The following SCAMP1 variants were observed in gnomAD, a reference collection of about 807,000 sequenced individuals.
SCAMP1 encodes the protein secretory carrier-associated membrane protein 1.
Under a neutral mutation model 41.8 loss-of-function variants are expected in SCAMP1, and 15 were observed. The observed-to-expected ratio is 0.36, with a 90% CI of 0.24 to 0.55. The LOEUF (loss-of-function observed/expected upper bound fraction) is 0.55. Ranked by LOEUF, SCAMP1 falls within the 20% of genes least tolerant of loss-of-function variation. The probability of loss-of-function intolerance (pLI) is 0.86; values close to 1 mark genes in which losing one functional copy is unlikely to be tolerated. For missense variants in SCAMP1, 341 were observed against 412.6 expected (o/e 0.83, Z 1.50); for synonymous variants, 135 against 136.8 (o/e 0.99, Z 0.09).
intron 6 of SCAMP1, among the ~76,000 whole-genome samples, chr5:78,439,992 G>A (rs952925315): frequency 2.0e-5 from 3 of 151,908 alleles, no homozygotes; most frequent in African/African-American, 4.8e-5. Flanking sequence ...CCACTTGATC[G>A]AATTGGCTAC....
intron 1 of SCAMP1, among the ~76,000 whole-genome samples, chr5:78,363,252 G>A (rs1282616091): frequency 6.7e-6 from 1 of 148,936 alleles, no homozygotes; most frequent in Non-Finnish European, 1.5e-5. Flanking sequence ...TCCCTCTGTC[G>A]CCCAGGTTGG....
At position 78,432,849 on chromosome 5, in the gene SCAMP1, C is replaced by G. The variant is rs565829481; in HGVS notation, c.632+10889C>G. Among the ~76,000 whole-genome samples the G allele has an allele frequency of 2.0e-5, 3 of 152,166 alleles. No individual in the cohort carries two copies. The East Asian group carries it at 5.8e-4, about 29-fold the overall frequency. The stretch of plus-strand genomic sequence containing the variant: ...TTTGTAACTTCTTTATCGTCGCTTT[C>G]TGTAATTTTTATTACATATGTGTTA... On this transcript the variant is annotated intron_variant, in intron 6 of 8. Transcript: ENST00000621999.
chr5:78,369,684 G>A (rs1375772613), intron 1 of SCAMP1, among the ~76,000 whole-genome samples: 1 of 152,184 alleles, frequency 6.6e-6, no homozygotes, highest in African/African-American at 2.4e-5. Context: ...GGCAATATCT[G>A]TGAAGTACAG....
At chr5:78,433,815 GC>G (rs1177845421) in intron 6 of SCAMP1, among the ~76,000 whole-genome samples, 1 of 152,092 alleles carries the variant, frequency 6.6e-6, no homozygotes, top group Non-Finnish European at 1.5e-5. Flanking sequence ...TTCAGCCTCA[GC>G]CTTAGGCAGC....
At chr5:78,410,801 A>G (rs1418042316) in intron 2 of SCAMP1, among the ~76,000 whole-genome samples, 1 of 152,206 alleles carries the variant, frequency 6.6e-6, no homozygotes, top group African/African-American at 2.4e-5. Context: ...TAACCTCGCC[A>G]GCATCTGTTG....
chr5:78,367,746 A>G lies in SCAMP1; in HGVS notation c.57+7018A>G, dbSNP rs1750835264. Among the ~76,000 whole-genome samples the G allele has an allele frequency of 2.6e-5, 4 of 152,144 alleles. No homozygotes were observed. In the South Asian group the frequency reaches 8.3e-4, roughly 32 times the overall value. ...GGTAGTCGTAGGATAACTTCACTAGACACTCCCATTCAAATAGGGAAAGAG... is the reference window on the plus strand; with the variant it reads ...GGTAGTCGTAGGATAACTTCACTAGGCACTCCCATTCAAATAGGGAAAGAG... On this transcript the variant is annotated intron_variant, in intron 1 of 8. Transcript: ENST00000621999.
chr5:78,371,177 C>T (rs1191798736), intron 1 of SCAMP1, among the ~76,000 whole-genome samples: 1 of 152,034 alleles, frequency 6.6e-6, no homozygotes, highest in African/African-American at 2.4e-5. Flanking sequence ...GTGTTAAGTT[C>T]AAATTACCTA....
intron 1 of SCAMP1, among the ~76,000 whole-genome samples, chr5:78,365,256 C>T (rs559098282): frequency 9.2e-5 from 14 of 151,856 alleles, no homozygotes; most frequent in African/African-American, 2.4e-4. Context: ...GGGCGAATCA[C>T]GAGGTCAGGA....
intron 6 of SCAMP1, among the ~76,000 whole-genome samples, chr5:78,437,317 T>C (rs1457432438): frequency 6.6e-6 from 1 of 152,250 alleles, no homozygotes; most frequent in Non-Finnish European, 1.5e-5. Context: ...GCTTCCAGTT[T>C]TTGTCCATTC....
chr5:78,442,387 C>T (rs1752947162), intron 6 of SCAMP1, among the ~76,000 whole-genome samples: 1 of 152,136 alleles, frequency 6.6e-6, no homozygotes, highest in Non-Finnish European at 1.5e-5. Context: ...TCTCCTGTCT[C>T]AGCCTCCTGA....
At chr5:78,362,137 A>G (rs1291134403) in intron 1 of SCAMP1, among the ~76,000 whole-genome samples, 10 of 151,010 alleles carry the variant, frequency 6.6e-5, no homozygotes, top group African/African-American at 2.4e-4. Flanking sequence ...ACTTGCTTCC[A>G]TGTTGTGGAA....
intron 8 of SCAMP1, among the ~76,000 whole-genome samples, chr5:78,467,400 C>T (rs1186678811): frequency 1.3e-5 from 2 of 152,196 alleles, no homozygotes; most frequent in Non-Finnish European, 2.9e-5. Context: ...TCTGTGCACA[C>T]TCTGAATACT....
intron 8 of SCAMP1, among the ~76,000 whole-genome samples, chr5:78,468,399 G>C (rs569139646): frequency 6.6e-6 from 1 of 152,138 alleles, no homozygotes; most frequent in Non-Finnish European, 1.5e-5. Flanking sequence ...GGGCCAAGCA[G>C]GGAGTTGTTA....
rs139214778 is a variant in SCAMP1, at chr5:78,458,158, G to T, written c.735-1087G>T. On this transcript the variant is annotated intron_variant, in intron 7 of 8. Coordinates refer to ENST00000621999, the MANE Select transcript of SCAMP1 (RefSeq NM_004866.6). ...ATCACCCGTCTTCTGCGTCGCTCTC[G>T]CTGGGAGCTGTAGACCGGAGCTGTT... Among the ~76,000 whole-genome samples the T allele has an allele frequency of 4.8e-3, 728 of 152,234 alleles. 7 individuals are homozygous for T. The highest frequency in any genetic ancestry group is 0.017 in the African/African-American group (689 of 41,544).
At position 78,388,858 on chromosome 5, in the gene SCAMP1, A is replaced by T; in HGVS notation, c.79A>T (p.Thr27Ser). 6.4e-7 allele frequency: 1 copy of T among 1,552,152 alleles called. No individual in the cohort carries two copies. The highest frequency in any genetic ancestry group is 8.9e-7 in the Non-Finnish European group (1 of 1,128,704). ...CTAGGATCCATCAGTTACACAAGTGACAAGAAATGTTCCACCAGGACTTGA... is the reference window on the plus strand; with the variant it reads ...CTAGGATCCATCAGTTACACAAGTGTCAAGAAATGTTCCACCAGGACTTGA... The part of the protein sequence containing the change: ...PFKDPSVTQV[T>S]RNVPPGLDEY... The change falls in exon 2 of 9, where the codon ACA becomes TCA. Residue 27 changes from threonine to serine, a missense_variant. Coordinates refer to ENST00000621999, the MANE Select transcript of SCAMP1 (RefSeq NM_004866.6).
At chr5:78,452,185 CT>C (rs201442758) in intron 7 of SCAMP1, among the ~76,000 whole-genome samples, 1,952 of 145,908 alleles carry the variant, frequency 0.013, 9 homozygotes, top group African/African-American at 0.021. Flanking sequence ...GTTTTCTTTT[CT>C]TTTTTTTTTT....
At chr5:78,383,831 A>G (rs1263620325) in intron 1 of SCAMP1, among the ~76,000 whole-genome samples, 2 of 152,060 alleles carry the variant, frequency 1.3e-5, no homozygotes, top group South Asian at 4.1e-4. Context: ...TTTGGTGACT[A>G]TGGCCTTATG....
intron 2 of SCAMP1, 141 bp downstream of exon 2, chr5:78,389,055 A>AT (rs1751422413): frequency 1.0e-5 from 5 of 478,480 alleles, no homozygotes; most frequent in Non-Finnish European, 1.9e-5. Context: ...GCAAACTTGG[A>AT]TTTTTTTAAT....
rs140394813 is a variant in SCAMP1, at chr5:78,429,223, T to C, written c.632+7263T>C. Among the ~76,000 whole-genome samples the C allele has an allele frequency of 8.3e-3, 1,265 of 152,160 alleles. 26 individuals are homozygous for C. Among genetic ancestry groups the C allele is most frequent in the African/African-American group, 0.028 (1,180 of 41,524 alleles). ...TAGGAGGAGTAACATCCATGCCTTA[T>C]TCCCAATTTTAAGAGAAAGCATTCA... On this transcript the variant is annotated intron_variant, in intron 6 of 8. Transcript: ENST00000621999.
Sources: gnomAD v4.1 joint callset for allele counts (sites outside exome capture counted in the v4.1 genomes callset) on GRCh38, gnomAD v4.1.1 for gene constraint, MANE v1.5 for transcripts, NCBI Gene and HGNC (gene_info 2026-07-23, HGNC 2026-07-21) for gene names.